Variants in MED26 observed in about 807,000 individuals in gnomAD.
MED26 encodes mediator complex subunit 26.
MED26 carries 7 observed loss-of-function variants against 43.7 expected under a neutral mutation model. The observed-to-expected ratio is 0.16, with a 90% confidence interval of 0.09 to 0.30. The LOEUF is 0.30. Ranked by LOEUF, MED26 falls within the 10% of genes least tolerant of loss-of-function variation. The probability of loss-of-function intolerance (pLI) is 1.00; values close to 1 mark genes in which losing one functional copy is unlikely to be tolerated. For synonymous variants in MED26, 375 were observed against 371.1 expected, an observed-to-expected ratio of 1.01 and a Z score of -0.12; for missense variants, 784 against 840.6, an observed-to-expected ratio of 0.93 and a Z score of 0.83.
chr19:16,622,677 T>C (rs2122460511), intron 1 of MED26, among the ~76,000 whole-genome samples: 1 of 152,262 alleles, frequency 6.6e-6, no homozygotes, highest in South Asian at 2.1e-4. Flanking sequence ...TGGCCACCCA[T>C]TCTGACAACC....
intron 1 of MED26, among the ~76,000 whole-genome samples, chr19:16,618,439 A>G (rs1470063774): frequency 6.6e-6 from 1 of 152,224 alleles, no homozygotes; most frequent in African/African-American, 2.4e-5. Flanking sequence ...GCACTCGGAC[A>G]GCGTGACAGC....
At chr19:16,579,367 C>T (rs2086032330) in intron 1 of MED26, among the ~76,000 whole-genome samples, 1 of 152,188 alleles carries the variant, frequency 6.6e-6, no homozygotes, top group Admixed American at 6.5e-5. Context: ...AAAACTCAAA[C>T]TGAACCCACA....
Position 16,577,653 on chromosome 19 carries a change from G to A in MED26, c.177C>T (p.Asp59=), listed in dbSNP as rs897770888. 5 of 1,580,948 alleles carry A rather than the reference G, an allele frequency of 3.2e-6. No homozygotes were observed. The highest frequency in any genetic ancestry group is 4.3e-6 in the Non-Finnish European group (5 of 1,158,856). ...CCTCGTTCTTGGTTTTCTTGCGGAC[G>A]TCGTTGATGAGCTTCCCAAGTCGTG... ...EETRLGKLIN[D]VRKKTKNEEL... is the part of the protein sequence containing the mutation. The change falls in exon 3 of 3, where the codon GAC becomes GAT. Residue 59 remains aspartate, a synonymous_variant. Coordinates refer to ENST00000263390, the MANE Select transcript of MED26 (RefSeq NM_004831.5). The surrounding 1 kb of genome is among the most constrained non-coding windows in gnomAD (Gnocchi z 8.1).
rs1368233040 is a variant in MED26, at chr19:16,575,588, A to C, written c.*439T>G. ...AAGACACTCAGGGCCAAATTAAAGA[A>C]CAGAAAATGCAAGAGAGATGAGATG... On this transcript the variant is annotated 3_prime_UTR_variant, in exon 3 of 3. Transcript: ENST00000263390. 6.0e-6 allele frequency: 1 copy of C among 167,992 alleles called. No individual in the cohort carries two copies. The highest frequency in any genetic ancestry group is 1.6e-4 in the East Asian group (1 of 6,294). 10.4% of individuals were successfully genotyped at this position (167,992 alleles called of 1,614,324 possible). A position where few individuals can be genotyped will look rare whatever the true frequency, so the allele number is the denominator to read the frequency against.
At chr19:16,588,808 C>T (rs968816748) in intron 1 of MED26, 11 of 152,258 alleles carry the variant, frequency 7.2e-5, no homozygotes, top group Non-Finnish European at 1.5e-4. Context: ...GGAGAGCAGC[C>T]CCCCGCCTGC....
chr19:16,623,712 C>T (rs1430707279), intron 1 of MED26, among the ~76,000 whole-genome samples: 1 of 152,112 alleles, frequency 6.6e-6, no homozygotes, highest in Non-Finnish European at 1.5e-5. Flanking sequence ...GTTTTCTTAC[C>T]AGCTCAAAAA....
At chr19:16,598,658 C>A (rs928287470) in intron 1 of MED26, among the ~76,000 whole-genome samples, 2 of 152,180 alleles carry the variant, frequency 1.3e-5, no homozygotes, top group African/African-American at 4.8e-5. Flanking sequence ...CACCCTCTGA[C>A]AAGTTCCACC....
At chr19:16,603,224 A>G (rs772230567) in intron 1 of MED26, among the ~76,000 whole-genome samples, 3 of 152,312 alleles carry the variant, frequency 2.0e-5, no homozygotes, top group Non-Finnish European at 2.9e-5. Flanking sequence ...TGGGCTTGGA[A>G]CTGAGACCAG....
At chr19:16,606,748 G>C (rs150154746) in intron 1 of MED26, among the ~76,000 whole-genome samples, 1 of 152,166 alleles carries the variant, frequency 6.6e-6, no homozygotes, top group Non-Finnish European at 1.5e-5. Context: ...CTGAGACAGG[G>C]CTGCTCGTTT....
At chr19:16,618,740 CCT>C (rs1196622917) in intron 1 of MED26, among the ~76,000 whole-genome samples, 1 of 152,162 alleles carries the variant, frequency 6.6e-6, no homozygotes, top group Non-Finnish European at 1.5e-5. Flanking sequence ...GGGAACATCC[CCT>C]CTATTGTGGG....
chr19:16,612,985 A>G (rs2086206336), intron 1 of MED26, among the ~76,000 whole-genome samples: 1 of 152,012 alleles, frequency 6.6e-6, no homozygotes, highest in Non-Finnish European at 1.5e-5. Context: ...GGGGTGTAAT[A>G]CCCCCTAGCT....
Position 16,578,911 on chromosome 19 carries a change from G to C in MED26, c.73-502C>G, listed in dbSNP as rs950781809. On this transcript the variant is annotated intron_variant, in intron 1 of 2. Transcript: ENST00000263390. ...AGGTCAGGAGTTTGAGACCAGCCTG[G>C]CCAACACAGTGAAACCCCATCTCTA... The C allele has an allele frequency of 5.1e-5, 8 of 155,562 alleles. No individual in the cohort carries two copies. The South Asian group carries it at 1.5e-3, about 30-fold the overall frequency. The allele number at this position is 155,562 out of a possible 1,614,324, so 9.6% of individuals were successfully genotyped here.
Position 16,607,601 on chromosome 19 carries a change from C to T in MED26, c.72+20271G>A, listed in dbSNP as rs529724193. Among the ~76,000 whole-genome samples, 7 of 152,292 alleles carry T rather than the reference C, an allele frequency of 4.6e-5. No homozygotes were observed. The South Asian group carries it at 1.2e-3, about 27-fold the overall frequency. On this transcript the variant is annotated intron_variant, in intron 1 of 2. Coordinates refer to ENST00000263390, the MANE Select transcript of MED26 (RefSeq NM_004831.5). ...CCAGATGAGGTGGTCACTTCAACCC[C>T]GGAGCCCTGAGAGAACCCGGGGAGG... is the stretch of plus-strand genomic sequence containing the variant.
chr19:16,624,952 A>G (rs2086267643), intron 1 of MED26, among the ~76,000 whole-genome samples: 1 of 152,204 alleles, frequency 6.6e-6, no homozygotes, highest in Admixed American at 6.5e-5. Flanking sequence ...CCTCCACAGA[A>G]CGAGTGTCCC....
intron 1 of MED26, among the ~76,000 whole-genome samples, chr19:16,580,473 A>G (rs1338829260): frequency 6.6e-6 from 1 of 151,804 alleles, no homozygotes; most frequent in African/African-American, 2.4e-5. Context: ...GGTTCAAGCA[A>G]TTCTCCTGCC....
intron 1 of MED26, chr19:16,578,620 T>C: frequency 1.7e-6 from 1 of 574,318 alleles, no homozygotes; most frequent in South Asian, 2.1e-5. Context: ...CCTCCTCCAG[T>C]GTGTGGTGTG....
chr19:16,605,143 T>C (rs1009242774), intron 1 of MED26, among the ~76,000 whole-genome samples: 5 of 152,166 alleles, frequency 3.3e-5, no homozygotes, highest in Admixed American at 2.0e-4. Flanking sequence ...TGCATCAAAA[T>C]GTAGCGTAGA....
intron 1 of MED26, among the ~76,000 whole-genome samples, chr19:16,610,149 A>G (rs1460781668): frequency 1.3e-5 from 2 of 151,838 alleles, no homozygotes; most frequent in Non-Finnish European, 2.9e-5. Context: ...AGTTCCAGCT[A>G]CTTGGGAGGC....
rs1568278890 is a variant in MED26, at chr19:16,577,282, T to C, written c.548A>G (p.Asn183Ser). 1.9e-6 allele frequency: 3 copies of C among 1,611,182 alleles called. No individual in the cohort carries two copies. The highest frequency in any genetic ancestry group is 2.2e-5 in the East Asian group (1 of 44,792). The change falls in exon 3 of 3, where the codon AAC becomes AGC. Residue 183 changes from asparagine (N) to serine (S), a missense_variant. Physicochemically the swap from Asn to Ser is conservative, Grantham distance 46 (BLOSUM62 1). Coordinates refer to ENST00000263390, the MANE Select transcript of MED26 (RefSeq NM_004831.5). The surrounding 1 kb of genome is among the most constrained non-coding windows in gnomAD (Gnocchi z 8.1). ...LVPNSSPLPTNGISGSPESFA... is the reference protein window; with the variant it reads ...LVPNSSPLPTSGISGSPESFA... The stretch of plus-strand genomic sequence containing the variant: ...GCTCTCTGGACTCCCACTGATCCCG[T>C]TGGTGGGGAGGGGGGATGAGTTGGG...
Sources: allele counts gnomAD v4.1 joint callset (sites outside exome capture counted in the v4.1 genomes callset), GRCh38; gene constraint gnomAD v4.1.1; non-coding constraint Gnocchi (gnomAD v3.1); transcripts MANE v1.5; gene names NCBI Gene and HGNC (gene_info 2026-07-23, HGNC 2026-07-21).